The following DLGAP1 variants were observed in gnomAD, a reference collection of about 807,000 sequenced individuals.
DLGAP1 encodes DLG associated protein 1, also known as disks large-associated protein 1.
Under a neutral mutation model 90.8 loss-of-function variants are expected in DLGAP1, and 11 were observed. The ratio of observed to expected loss-of-function variants is 0.12; its 90% CI spans 0.08 to 0.20. The LOEUF is 0.20. Among genes scored for constraint, DLGAP1 ranks in the 10% least tolerant of loss-of-function variants. DLGAP1 has a pLI of 1.00. For missense variants in DLGAP1, 1,050 were observed against 1,333.8 expected, an observed-to-expected ratio of 0.79 and a Z score of 3.31; for synonymous variants, 558 against 540.7, an observed-to-expected ratio of 1.03 and a Z score of -0.44.
At chr18:3,992,138 T>A (rs977734041) in intron 3 of DLGAP1, among the ~76,000 whole-genome samples, 53 of 152,326 alleles carry the variant, frequency 3.5e-4, no homozygotes, top group African/African-American at 1.2e-3. Flanking sequence ...AAAAATCTCC[T>A]ACTTAGTTTG....
intron 7 of DLGAP1, among the ~76,000 whole-genome samples, chr18:3,700,151 T>C (rs532330406): frequency 2.6e-4 from 39 of 152,260 alleles, no homozygotes; most frequent in African/African-American, 8.7e-4. Flanking sequence ...CTCGCTGGTG[T>C]TCCAGGCACC....
intron 7 of DLGAP1, among the ~76,000 whole-genome samples, chr18:3,643,662 C>CA (rs538678987): frequency 0.12 from 7,483 of 64,424 alleles, 755 homozygotes; most frequent in South Asian, 0.26. Flanking sequence ...GACTCCATCT[C>CA]AAAAAAAAAA....
chr18:3,518,790 G>A (rs2050996283), intron 10 of DLGAP1, among the ~76,000 whole-genome samples: 1 of 152,166 alleles, frequency 6.6e-6, no homozygotes, highest in Non-Finnish European at 1.5e-5. Context: ...TCCTATAACT[G>A]ATCTACATTC....
rs565135827 is a variant in DLGAP1 at position 4,324,765 on chromosome 18, C to A, written c.-267+130241G>T. On this transcript the variant is annotated intron_variant, in intron 1 of 12. Coordinates refer to ENST00000315677, the MANE Select transcript of DLGAP1 (RefSeq NM_004746.4). ...TCACATAAACAACTAAAAACAAAAACCACATGATTACCTTAATTGATGCAG... is the reference window on the plus strand; with the variant it reads ...TCACATAAACAACTAAAAACAAAAAACACATGATTACCTTAATTGATGCAG... 7.2e-5 allele frequency among the ~76,000 whole-genome samples: 3 copies of A among 41,516 alleles called. No individual in the cohort carries two copies. The South Asian group carries it at 1.7e-3, about 23-fold the overall frequency. The allele number at this position is 41,516 out of a possible 152,430, so 27.2% of individuals were successfully genotyped here.
chr18:4,066,591 T>G (rs1318374453), intron 2 of DLGAP1, among the ~76,000 whole-genome samples: 1 of 152,026 alleles, frequency 6.6e-6, no homozygotes, highest in Non-Finnish European at 1.5e-5. Flanking sequence ...CATTACTGAT[T>G]ATTAGAGAAA....
intron 1 of DLGAP1, among the ~76,000 whole-genome samples, chr18:4,283,962 A>G (rs1481868764): frequency 6.6e-6 from 1 of 152,162 alleles, no homozygotes; most frequent in Non-Finnish European, 1.5e-5. Flanking sequence ...TGCAGGCAGG[A>G]ACAAACAGAT....
chr18:4,427,149 C>A (rs1007152859), intron 1 of DLGAP1, among the ~76,000 whole-genome samples: 1 of 152,188 alleles, frequency 6.6e-6, no homozygotes, highest in Non-Finnish European at 1.5e-5. Context: ...GCCACAGACA[C>A]AGTCGGAGAT....
intron 10 of DLGAP1, among the ~76,000 whole-genome samples, chr18:3,511,860 T>C (rs1270794712): frequency 5.3e-5 from 8 of 152,226 alleles, no homozygotes; most frequent in African/African-American, 1.9e-4. Flanking sequence ...AGAATGACTA[T>C]TTCAGTCCCA....
intron 1 of DLGAP1, among the ~76,000 whole-genome samples, chr18:4,178,202 AACACACACACACACACACACAC>A (rs59444096): frequency 1.0e-4 from 12 of 118,412 alleles, no homozygotes; most frequent in East Asian, 2.6e-4. Flanking sequence ...TCCTGGAATA[AACACACACACACACACACACAC>A]ACACACACAC....
At chr18:3,881,782 A>G (rs1040236080) in intron 3 of DLGAP1, among the ~76,000 whole-genome samples, 4 of 152,128 alleles carry the variant, frequency 2.6e-5, no homozygotes, top group South Asian at 2.1e-4. Context: ...GCATGGTGGC[A>G]GGCGCCTGTA....
intron 5 of DLGAP1, among the ~76,000 whole-genome samples, chr18:3,756,542 T>G (rs1270515704): frequency 1.3e-5 from 2 of 152,070 alleles, no homozygotes; most frequent in African/African-American, 4.8e-5. Flanking sequence ...ATTAATAATC[T>G]AAACTTTCAC....
intron 2 of DLGAP1, among the ~76,000 whole-genome samples, chr18:4,129,769 A>T (rs1306555552): frequency 6.6e-6 from 1 of 152,106 alleles, no homozygotes; most frequent in Non-Finnish European, 1.5e-5. Flanking sequence ...CCATGAACGG[A>T]CTCTGATTCC....
intron 5 of DLGAP1, among the ~76,000 whole-genome samples, chr18:3,793,126 A>G (rs761805305): frequency 6.6e-5 from 10 of 152,182 alleles, no homozygotes; most frequent in Non-Finnish European, 1.3e-4. Flanking sequence ...TTAGCAGATG[A>G]ATTGCTTGCC....
intron 9 of DLGAP1, among the ~76,000 whole-genome samples, chr18:3,551,738 T>TCCTTCCTTCCTTCCTTCCTTCCTC (rs2053482539): frequency 1.2e-4 from 7 of 58,536 alleles, no homozygotes; most frequent in Admixed American, 6.5e-4. Context: ...CTTCCTTCCT[T>TCCTTCCTTCCTTCCTTCCTTCCTC]CCTTCCTTCC....
In DLGAP1 at chr18:3,742,378, G is replaced by C; in HGVS notation, c.1307C>G (p.Ser436Cys). 11 of 1,614,118 alleles carry C rather than the reference G, an allele frequency of 6.8e-6. No individual in the cohort carries two copies. The highest frequency in any genetic ancestry group is 8.5e-6 in the Non-Finnish European group (10 of 1,180,002). The change falls in exon 6 of 13, where the codon TCC becomes TGC. Residue 436 changes from serine to cysteine, a missense_variant. Physicochemically the swap from Ser to Cys is moderately radical, Grantham distance 112. This residue lies in a region of DLGAP1 where 565 missense variants were observed against 879.7 expected (regional missense o/e 0.64). Transcript: ENST00000315677. ...AGLLTSPKFR[S>C]RNESYMRAMS... ...GGCTCGCATGTAGCTCTCATTCCTG[G>C]AGCGGAACTTTGGTGATGTGAGCAA... is the stretch of plus-strand genomic sequence containing the variant.
intron 7 of DLGAP1, among the ~76,000 whole-genome samples, chr18:3,587,895 G>A (rs1418009033): frequency 2.0e-5 from 3 of 152,142 alleles, no homozygotes; most frequent in Non-Finnish European, 2.9e-5. Flanking sequence ...ACAGAATGAC[G>A]TTCTCAAAAA....
intron 3 of DLGAP1, among the ~76,000 whole-genome samples, chr18:3,888,796 G>A (rs1469603419): frequency 1.3e-5 from 2 of 152,182 alleles, no homozygotes; most frequent in African/African-American, 4.8e-5. Context: ...AGATAATCCA[G>A]GCAGTAAACG....
chr18:4,169,334 C>G (rs1224409937), intron 1 of DLGAP1, among the ~76,000 whole-genome samples: 2 of 152,086 alleles, frequency 1.3e-5, no homozygotes, highest in East Asian at 1.9e-4. Context: ...GTATATTTCC[C>G]TAATGAGGAT....
At chr18:3,624,560 T>G (rs2058222993) in intron 7 of DLGAP1, among the ~76,000 whole-genome samples, 1 of 152,088 alleles carries the variant, frequency 6.6e-6, no homozygotes, top group Non-Finnish European at 1.5e-5. Flanking sequence ...ACTGTAGGAG[T>G]AGTTTTGTAG....
Sources: allele counts gnomAD v4.1 joint callset (sites outside exome capture counted in the v4.1 genomes callset), GRCh38; gene constraint gnomAD v4.1.1; regional missense constraint gnomAD v4.1.1; transcripts MANE v1.5; gene names NCBI Gene and HGNC (gene_info 2026-07-23, HGNC 2026-07-21).